NECAB1: variants seen among roughly 807,000 people sequenced by gnomAD.
The protein encoded by NECAB1 is N-terminal EF-hand calcium binding protein 1, also known as N-terminal EF-hand calcium-binding protein 1.
A neutral mutation model predicts 57.5 loss-of-function variants in NECAB1; 29 were observed. That is an observed-to-expected ratio of 0.50 (90% confidence interval 0.38 to 0.69). The LOEUF is 0.69. Ranked by LOEUF, NECAB1 falls within the 30% of genes least tolerant of loss-of-function variation. The pLI is 0.00. For synonymous variants in NECAB1, 142 were observed against 147.7 expected (o/e 0.96, Z 0.28); for missense variants, 372 against 413.8 (o/e 0.90, Z 0.88).
chr8:90,861,530 A>C (rs1223758106), intron 3 of NECAB1, among the ~76,000 whole-genome samples: 1 of 152,168 alleles, frequency 6.6e-6, no homozygotes, highest in Non-Finnish European at 1.5e-5. Flanking sequence ...CCATATGGTT[A>C]AGAGTAAAGG....
intron 2 of NECAB1, among the ~76,000 whole-genome samples, chr8:90,810,063 T>C (rs1424122127): frequency 6.6e-6 from 1 of 152,232 alleles, no homozygotes; most frequent in Non-Finnish European, 1.5e-5. Context: ...TCCAAGGGCA[T>C]GGAGTGAGTA....
At chr8:90,935,450 C>G (rs1810513334) in intron 9 of NECAB1, among the ~76,000 whole-genome samples, 1 of 152,102 alleles carries the variant, frequency 6.6e-6, no homozygotes, top group Non-Finnish European at 1.5e-5. Flanking sequence ...GTGTTAATTC[C>G]TCAAGACCCC....
At chr8:90,879,081 T>C (rs1042183479) in intron 4 of NECAB1, among the ~76,000 whole-genome samples, 1 of 143,744 alleles carries the variant, frequency 7.0e-6, no homozygotes, top group African/African-American at 2.5e-5. Flanking sequence ...ATATATATTA[T>C]ATATATTATA....
At chr8:90,926,271 G>A (rs143621489) in intron 7 of NECAB1, among the ~76,000 whole-genome samples, 34 of 152,234 alleles carry the variant, frequency 2.2e-4, no homozygotes, top group African/African-American at 5.3e-4. Flanking sequence ...TCACTTGAAC[G>A]TGTCATTTTA....
chr8:90,848,608 T>C (rs974090704), intron 3 of NECAB1, among the ~76,000 whole-genome samples: 3 of 152,322 alleles, frequency 2.0e-5, no homozygotes, highest in Admixed American at 1.3e-4. Flanking sequence ...CTCACAATCA[T>C]GGCAGAAGGC....
chr8:90,885,449 G>A (rs769407842), intron 5 of NECAB1, among the ~76,000 whole-genome samples: 3 of 152,164 alleles, frequency 2.0e-5, no homozygotes, highest in South Asian at 2.1e-4. Flanking sequence ...TAGGGCTTCC[G>A]TGGCTATGAC....
At chr8:90,874,218 G>A (rs1808672992) in intron 4 of NECAB1, among the ~76,000 whole-genome samples, 2 of 152,304 alleles carry the variant, frequency 1.3e-5, no homozygotes, top group Non-Finnish European at 2.9e-5. Context: ...CCCCTTGTGC[G>A]TGGGAGGGGC....
At chr8:90,870,725 T>A (rs1808608495) in intron 3 of NECAB1, among the ~76,000 whole-genome samples, 1 of 152,240 alleles carries the variant, frequency 6.6e-6, no homozygotes, top group African/African-American at 2.4e-5. Flanking sequence ...TGAGTCTACC[T>A]CTAAGTTGAG....
At chr8:90,916,745 C>T (rs1400863570) in intron 5 of NECAB1, among the ~76,000 whole-genome samples, 1 of 152,062 alleles carries the variant, frequency 6.6e-6, no homozygotes, top group African/African-American at 2.4e-5. Context: ...CAGGTGGTAC[C>T]ATCCACAGCT....
intron 2 of NECAB1, among the ~76,000 whole-genome samples, chr8:90,818,609 G>GC (rs1258877230): frequency 6.6e-6 from 1 of 151,922 alleles, no homozygotes; most frequent in Non-Finnish European, 1.5e-5. Flanking sequence ...CTTCTCCTTA[G>GC]CCCTCTATAG....
intron 3 of NECAB1, among the ~76,000 whole-genome samples, chr8:90,864,183 CAG>C (rs559220788): frequency 1.0e-3 from 155 of 151,606 alleles, no homozygotes; most frequent in African/African-American, 3.3e-3. Context: ...TTCTTTACCA[CAG>C]AGAGTCTGAG....
intron 12 of NECAB1, among the ~76,000 whole-genome samples, chr8:90,952,829 AATCTT>A (rs1738635514): frequency 1.4e-5 from 2 of 146,800 alleles, no homozygotes; most frequent in Non-Finnish European, 3.0e-5. Context: ...TAGGGAGAAA[AATCTT>A]AGAATACAAC....
At chr8:90,932,855 T>G (rs937120594) in intron 8 of NECAB1, among the ~76,000 whole-genome samples, 1 of 152,170 alleles carries the variant, frequency 6.6e-6, no homozygotes, top group Non-Finnish European at 1.5e-5. Flanking sequence ...TTCTCAGAGA[T>G]GAAGCACTAG....
intron 6 of NECAB1, among the ~76,000 whole-genome samples, chr8:90,925,279 G>C (rs1810236514): frequency 6.6e-6 from 1 of 151,786 alleles, no homozygotes; most frequent in Non-Finnish European, 1.5e-5. Context: ...ACCAACAAAG[G>C]AAAAAAGCCT....
chr8:90,840,958 A>AAAG (rs2129743919), intron 3 of NECAB1, among the ~76,000 whole-genome samples: 1 of 151,700 alleles, frequency 6.6e-6, no homozygotes, highest in African/African-American at 2.4e-5. Context: ...TTCAAAAAAA[A>AAAG]AAAAAAAAAG....
chr8:90,875,575 T>A (rs1436694413), intron 4 of NECAB1, among the ~76,000 whole-genome samples: 1 of 150,118 alleles, frequency 6.7e-6, no homozygotes, highest in African/African-American at 2.5e-5. Flanking sequence ...ATGTGCTTGA[T>A]CTGAAAGCCT....
intron 9 of NECAB1, among the ~76,000 whole-genome samples, chr8:90,937,788 T>A (rs982235456): frequency 6.6e-6 from 1 of 152,236 alleles, no homozygotes; most frequent in African/African-American, 2.4e-5. Context: ...TAGCTTATCA[T>A]ACAATGAGTC....
At chr8:90,846,461 G>T (rs7838907) in intron 3 of NECAB1, among the ~76,000 whole-genome samples, 1 of 152,050 alleles carries the variant, frequency 6.6e-6, no homozygotes, top group African/African-American at 2.4e-5. Context: ...CTTGATCTCT[G>T]TTTAGATAAA....
chr8:90,940,623 C>A, intron 9 of NECAB1, 163 bp from the exon 10 acceptor site: 1 of 591,722 alleles, frequency 1.7e-6, no homozygotes, highest in South Asian at 2.1e-5. Context: ...TAGATTACAG[C>A]CTTTATACAG....
Sources: allele counts gnomAD v4.1 joint callset (sites outside exome capture counted in the v4.1 genomes callset), GRCh38; gene constraint gnomAD v4.1.1; transcripts MANE v1.5; gene names NCBI Gene and HGNC (gene_info 2026-07-23, HGNC 2026-07-21).